The following CCL17 variants were observed in gnomAD, a reference collection of about 807,000 sequenced individuals.
CCL17 encodes the protein C-C motif chemokine ligand 17, also known as C-C motif chemokine 17.
CCL17 carries 8 observed loss-of-function variants against 7.4 expected under a neutral mutation model. The ratio of observed to expected loss-of-function variants is 1.09; its 90% CI spans 0.64 to 1.96. CCL17 has a LOEUF of 1.96. Ranked by LOEUF, CCL17 falls within the 30% of genes most tolerant of loss-of-function variation. The probability of loss-of-function intolerance (pLI) is 0.00; values close to 1 mark genes in which losing one functional copy is unlikely to be tolerated. For missense variants in CCL17, 102 were observed against 113.0 expected (o/e 0.90, Z 0.44); for synonymous variants, 40 against 46.1 (o/e 0.87, Z 0.54).
At chr16:57,402,780 A>G (rs1488229397), upstream of CCL17, among the ~76,000 whole-genome samples, 11 of 152,154 alleles carry the variant, frequency 7.2e-5, no homozygotes, top group African/African-American at 1.9e-4. Context: ...GGGTTTCTGC[A>G]TTCTGCTTCA....
chr16:57,415,039 C>T lies in CCL17; in HGVS notation c.71-42C>T. 1.5e-6 allele frequency: 2 copies of T among 1,327,452 alleles called. No individual in the cohort carries two copies. The highest frequency in any genetic ancestry group is 2.3e-5 in the South Asian group (2 of 85,376). 82.2% of individuals were successfully genotyped at this position (1,327,452 alleles called of 1,614,324 possible). A position where few individuals can be genotyped will look rare whatever the true frequency, so the allele number is the denominator to read the frequency against. ...CCCAGAGGTCCCCGCAACACACACG[C>T]AGACACTCACAGACACCCCTGCCCC... On this transcript the variant is annotated intron_variant, in intron 2 of 3. Transcript: ENST00000219244. This position sits in a 1 kb window ranked among gnomAD's most constrained non-coding sequence, Gnocchi z 4.5.
Position 57,413,894 on chromosome 16 carries a change from G to T in CCL17, c.-39G>T, listed in dbSNP as rs1902823937. On this transcript the variant is annotated 5_prime_UTR_variant, in exon 2 of 4. Coordinates refer to ENST00000219244, the MANE Select transcript of CCL17 (RefSeq NM_002987.3). ...AGCAGGGTGTCTCCCTGAGCAGAGGGACCTGCACACAGAGACTCCCTCCTG... is the reference window on the plus strand; with the variant it reads ...AGCAGGGTGTCTCCCTGAGCAGAGGTACCTGCACACAGAGACTCCCTCCTG... 1.3e-6 allele frequency: 2 copies of T among 1,565,156 alleles called. No individual in the cohort carries two copies. Among genetic ancestry groups the T allele is most frequent in the African/African-American group, 1.4e-5 (1 of 73,902 alleles).
chr16:57,400,007 C>A (rs1902569524), upstream of CCL17, among the ~76,000 whole-genome samples: 1 of 152,154 alleles, frequency 6.6e-6, no homozygotes. Flanking sequence ...AAATCCATCT[C>A]CCTGATTGAC....
In CCL17 at chr16:57,413,916, C is replaced by T. The variant is rs760471927; in HGVS notation, c.-17C>T. The T allele has an allele frequency of 1.9e-6, 3 of 1,598,780 alleles. No individual in the cohort carries two copies. Among genetic ancestry groups the T allele is most frequent in the African/African-American group, 2.7e-5 (2 of 74,650 alleles). On this transcript the variant is annotated 5_prime_UTR_variant, in exon 2 of 4. Transcript: ENST00000219244. ...AGGGACCTGCACACAGAGACTCCCT[C>T]CTGGGCTCCTGGCACCATGGCCCCA...
rs1902864303 is a variant in CCL17 at position 57,415,949 on chromosome 16, G to A, written c.*88G>A. Reference sequence around the variant, plus strand: ...TTCACCGCCCCCACCCTGAGCGCCTGGGTCCAGGGGAGGCCTTCCAGGGAC... The same window carrying A: ...TTCACCGCCCCCACCCTGAGCGCCTAGGTCCAGGGGAGGCCTTCCAGGGAC... On this transcript the variant is annotated 3_prime_UTR_variant, in exon 4 of 4. Coordinates refer to ENST00000219244, the MANE Select transcript of CCL17 (RefSeq NM_002987.3). This position sits in a 1 kb window ranked among gnomAD's most constrained non-coding sequence, Gnocchi z 4.5. 1 of 839,680 alleles carries A rather than the reference G, an allele frequency of 1.2e-6. No homozygotes were observed. Among genetic ancestry groups the A allele is most frequent in the South Asian group, 1.4e-5 (1 of 69,044 alleles). The allele number at this position is 839,680 out of a possible 1,614,324, so 52.0% of individuals were successfully genotyped here.
upstream of CCL17, among the ~76,000 whole-genome samples, chr16:57,400,404 G>A (rs1300340759): frequency 6.6e-6 from 1 of 151,250 alleles, no homozygotes; most frequent in Non-Finnish European, 1.5e-5. Context: ...ACTAGACAGG[G>A]GCAATGAAGC....
chr16:57,408,758 T>C (rs561922152), intron 1 of CCL17, among the ~76,000 whole-genome samples: 16 of 151,828 alleles, frequency 1.1e-4, no homozygotes, highest in African/African-American at 3.9e-4. Context: ...GTATTTTTAG[T>C]AGAGACAGGG....
At chr16:57,413,209 G>A (rs1169497738) in intron 1 of CCL17, among the ~76,000 whole-genome samples, 1 of 152,210 alleles carries the variant, frequency 6.6e-6, no homozygotes, top group Admixed American at 6.5e-5. Context: ...TCGAAGCACC[G>A]TTGGGCTCTT....
Position 57,413,891 on chromosome 16 carries a change from AG to A in CCL17, c.-39del. The A allele has an allele frequency of 5.8e-6, 9 of 1,554,928 alleles. No individual in the cohort carries two copies. The highest frequency in any genetic ancestry group is 7.0e-6 in the Non-Finnish European group (8 of 1,141,240). On this transcript the variant is annotated 5_prime_UTR_variant, in exon 2 of 4. Coordinates refer to ENST00000219244, the MANE Select transcript of CCL17 (RefSeq NM_002987.3). Reference sequence around the variant, plus strand: ...CTCAGCAGGGTGTCTCCCTGAGCAGAGGGACCTGCACACAGAGACTCCCTCC... The same window carrying A: ...CTCAGCAGGGTGTCTCCCTGAGCAGAGGACCTGCACACAGAGACTCCCTCC...
chr16:57,407,712 T>C (rs1461137612), intron 1 of CCL17, among the ~76,000 whole-genome samples: 1 of 151,824 alleles, frequency 6.6e-6, no homozygotes, highest in Non-Finnish European at 1.5e-5. Flanking sequence ...CCATCCATCA[T>C]CCATCAACCC....
chr16:57,410,910 C>T (rs763595316), intron 1 of CCL17, among the ~76,000 whole-genome samples: 4 of 152,164 alleles, frequency 2.6e-5, no homozygotes, highest in South Asian at 2.1e-4. Flanking sequence ...GCCCACGGCG[C>T]GGGGCAAGGT....
chr16:57,404,924 G>C (rs962226765), intron 1 of CCL17, 88 bp downstream of exon 1: 1 of 154,216 alleles, frequency 6.5e-6, no homozygotes, highest in Non-Finnish European at 1.5e-5. Flanking sequence ...TTAGATGAGC[G>C]GTGGATGGAC....
At chr16:57,413,201 G>A (rs891392346) in intron 1 of CCL17, among the ~76,000 whole-genome samples, 4 of 152,200 alleles carry the variant, frequency 2.6e-5, no homozygotes, top group Non-Finnish European at 4.4e-5. Flanking sequence ...GGACTGAATC[G>A]AAGCACCGTT....
the CCL17 span, among the ~76,000 whole-genome samples, chr16:57,397,200 C>T: frequency 6.6e-6 from 1 of 152,306 alleles, no homozygotes; most frequent in South Asian, 2.1e-4. Flanking sequence ...AGGGATTATG[C>T]CTTTGGCACA....
upstream of CCL17, among the ~76,000 whole-genome samples, chr16:57,401,724 G>A (rs1227235009): frequency 6.6e-6 from 1 of 152,122 alleles, no homozygotes; most frequent in Non-Finnish European, 1.5e-5. Context: ...CTGTTAACCT[G>A]GTGGTGGGTA....
At chr16:57,403,629 T>TATATATTTATA (rs1902650958), upstream of CCL17, among the ~76,000 whole-genome samples, 1 of 67,128 alleles carries the variant, frequency 1.5e-5, no homozygotes, top group African/African-American at 8.9e-5. Context: ...TAATATATAT[T>TATATATTTATA]ATATATATTA....
rs552566391 is a variant in CCL17, at chr16:57,411,838, G to A, written c.-59-2036G>A. Among the ~76,000 whole-genome samples the A allele has an allele frequency of 2.0e-5, 3 of 152,362 alleles. No individual in the cohort carries two copies. The East Asian group carries it at 5.8e-4, about 29-fold the overall frequency. On this transcript the variant is annotated intron_variant, in intron 1 of 3. Coordinates refer to ENST00000219244, the MANE Select transcript of CCL17 (RefSeq NM_002987.3). ...CCTGCCCAGCGCGGCCTCCTTTGCA[G>A]GGGGACTCTGCGGGGAGCTACTCTG...
At chr16:57,413,541 C>T (rs1214848118) in intron 1 of CCL17, among the ~76,000 whole-genome samples, 1 of 152,212 alleles carries the variant, frequency 6.6e-6, no homozygotes, top group African/African-American at 2.4e-5. Flanking sequence ...GCTCAAGCCA[C>T]CATGCATGAA....
chr16:57,412,425 T>C (rs1187943500), intron 1 of CCL17, among the ~76,000 whole-genome samples: 3 of 152,228 alleles, frequency 2.0e-5, no homozygotes, highest in Non-Finnish European at 2.9e-5. Context: ...AGGTTAGCTC[T>C]GAGCGATGCT....
Sources: gnomAD v4.1 joint callset for allele counts (sites outside exome capture counted in the v4.1 genomes callset) on GRCh38, gnomAD v4.1.1 for gene constraint, Gnocchi (gnomAD v3.1) non-coding constraint, MANE v1.5 for transcripts, NCBI Gene and HGNC (gene_info 2026-07-23, HGNC 2026-07-21) for gene names.